Variants in SEL1L2 observed in about 807,000 individuals in gnomAD.
The protein encoded by SEL1L2 is protein sel-1 homolog 2.
SEL1L2 carries 89 observed loss-of-function variants against 98.8 expected under a neutral mutation model. The ratio of observed to expected loss-of-function variants is 0.90; its 90% CI spans 0.76 to 1.07. The LOEUF is 1.07. Ranked by LOEUF, SEL1L2 falls within the 50% of genes least tolerant of loss-of-function variation. SEL1L2 has a pLI of 0.00. For synonymous variants in SEL1L2, 262 were observed against 278.5 expected (o/e 0.94, Z 0.59); for missense variants, 788 against 812.0 (o/e 0.97, Z 0.36).
intron 17 of SEL1L2, among the ~76,000 whole-genome samples, chr20:13,864,534 T>C (rs1197698703): frequency 6.6e-6 from 1 of 152,172 alleles, no homozygotes; most frequent in Non-Finnish European, 1.5e-5. Flanking sequence ...GCAATGAAAA[T>C]ACCACCTGCC....
At chr20:13,955,152 AC>A (rs1485240996) in intron 2 of SEL1L2, among the ~76,000 whole-genome samples, 2 of 151,986 alleles carry the variant, frequency 1.3e-5, no homozygotes, top group South Asian at 2.1e-4. Context: ...CACAAACAAA[AC>A]CCTTGCTCTC....
At chr20:13,933,066 C>A (rs756129638) in intron 2 of SEL1L2, among the ~76,000 whole-genome samples, 1 of 151,918 alleles carries the variant, frequency 6.6e-6, no homozygotes, top group Non-Finnish European at 1.5e-5. Context: ...AAAAATTCGC[C>A]AGGCCTGGTG....
chr20:13,895,478 A>G (rs1337120645), intron 5 of SEL1L2, among the ~76,000 whole-genome samples: 9 of 151,544 alleles, frequency 5.9e-5, no homozygotes, highest in Middle Eastern at 3.5e-3. Flanking sequence ...GCCAGTTACC[A>G]TAATACAACA....
At chr20:13,867,612 C>T (rs929687087) in intron 14 of SEL1L2, among the ~76,000 whole-genome samples, 1 of 152,170 alleles carries the variant, frequency 6.6e-6, no homozygotes, top group Non-Finnish European at 1.5e-5. Flanking sequence ...TGTCCAACCA[C>T]AACATTGGCT....
At chr20:13,853,769 G>A (rs1029944783) in intron 18 of SEL1L2, among the ~76,000 whole-genome samples, 2 of 152,118 alleles carry the variant, frequency 1.3e-5, no homozygotes, top group African/African-American at 4.8e-5. Context: ...TCTGCTTCTA[G>A]TATTCTCACT....
At chr20:13,903,117 C>A (rs371894113) in intron 5 of SEL1L2, among the ~76,000 whole-genome samples, 606 of 122,950 alleles carry the variant, frequency 4.9e-3, no homozygotes, top group Non-Finnish European at 4.9e-3. Flanking sequence ...GGCTCTTTCT[C>A]AAAAAAAAAA....
chr20:13,861,484 T>A (rs1057408504), intron 17 of SEL1L2, among the ~76,000 whole-genome samples: 1 of 151,836 alleles, frequency 6.6e-6, no homozygotes, highest in African/African-American at 2.4e-5. Context: ...ATGTTATATA[T>A]AGTATATATG....
Position 13,919,055 on chromosome 20 carries a change from G to A in SEL1L2, c.352C>T (p.Leu118Phe), listed in dbSNP as rs1293792436. 9.3e-6 allele frequency: 15 copies of A among 1,613,670 alleles called. No homozygotes were observed. The highest frequency in any genetic ancestry group is 1.3e-5 in the Non-Finnish European group (15 of 1,179,788). The change falls in exon 4 of 20, where the codon CTC (leucine) becomes TTC (phenylalanine). Residue 118 changes from leucine to phenylalanine, a missense_variant. Physicochemically the swap from Leu to Phe is conservative, Grantham distance 22. Coordinates refer to ENST00000284951, the MANE Select transcript of SEL1L2 (RefSeq NM_025229.2). ...DQLFKMGIKVLQQSKSQKQKE... is the reference protein window; with the variant it reads ...DQLFKMGIKVFQQSKSQKQKE... ...TGTTTTTGGCTTTTAGACTGCTGGAGAACCTTGATGCCCATCTTAAATAGC... is the reference window on the plus strand; with the variant it reads ...TGTTTTTGGCTTTTAGACTGCTGGAAAACCTTGATGCCCATCTTAAATAGC...
intron 5 of SEL1L2, among the ~76,000 whole-genome samples, chr20:13,899,288 G>T (rs745494402): frequency 5.5e-4 from 84 of 151,960 alleles, no homozygotes; most frequent in Non-Finnish European, 1.0e-3. Flanking sequence ...TAATATGGAT[G>T]TCTGTTGTGG....
intron 3 of SEL1L2, among the ~76,000 whole-genome samples, chr20:13,926,283 C>G (rs1394621682): frequency 6.6e-6 from 1 of 152,078 alleles, no homozygotes; most frequent in African/African-American, 2.4e-5. Context: ...CCACTGCACT[C>G]CAGCCTGGGC....
intron 2 of SEL1L2, among the ~76,000 whole-genome samples, chr20:13,940,606 C>T (rs765833927): frequency 2.0e-5 from 3 of 152,170 alleles, no homozygotes; most frequent in Non-Finnish European, 4.4e-5. Flanking sequence ...ACTATTCTGG[C>T]TGACATGTGA....
At chr20:13,942,040 G>A (rs2049805732) in intron 2 of SEL1L2, among the ~76,000 whole-genome samples, 1 of 152,076 alleles carries the variant, frequency 6.6e-6, no homozygotes, top group Non-Finnish European at 1.5e-5. Context: ...AAAGCTCTTG[G>A]GAAAAAGAGG....
At chr20:13,909,159 T>G (rs1184473018) in intron 5 of SEL1L2, among the ~76,000 whole-genome samples, 2 of 152,158 alleles carry the variant, frequency 1.3e-5, no homozygotes, top group African/African-American at 4.8e-5. Context: ...TACCCACATT[T>G]CTGTTGCTAT....
At chr20:13,983,869 C>T (rs1034169148) in intron 1 of SEL1L2, among the ~76,000 whole-genome samples, 2 of 151,854 alleles carry the variant, frequency 1.3e-5, no homozygotes, top group Non-Finnish European at 2.9e-5. Flanking sequence ...TAACTCCTTC[C>T]CTGGTTCTCT....
chr20:13,929,737 T>C (rs1356137318), intron 3 of SEL1L2, among the ~76,000 whole-genome samples: 2 of 151,650 alleles, frequency 1.3e-5, no homozygotes, highest in African/African-American at 4.8e-5. Flanking sequence ...CCTGACCTCG[T>C]GATCCTCCCG....
At chr20:13,979,493 G>GTA (rs2051705832) in intron 1 of SEL1L2, among the ~76,000 whole-genome samples, 1 of 152,168 alleles carries the variant, frequency 6.6e-6, no homozygotes, top group South Asian at 2.1e-4. Context: ...ATGTACTGAA[G>GTA]TATCACTCTG....
chr20:13,924,921 C>T (rs6074665), intron 3 of SEL1L2, among the ~76,000 whole-genome samples: 1 of 152,022 alleles, frequency 6.6e-6, no homozygotes, highest in African/African-American at 2.4e-5. Context: ...GGCAGATCAC[C>T]TGAGATCAGG....
chr20:13,927,869 A>G (rs1568985585), intron 3 of SEL1L2: 1 of 152,192 alleles, frequency 6.6e-6, no homozygotes, highest in Admixed American at 6.5e-5. Flanking sequence ...GGCTTCCTCT[A>G]CTTTCTTAAC....
intron 3 of SEL1L2, among the ~76,000 whole-genome samples, chr20:13,922,237 A>T (rs2048697168): frequency 6.6e-6 from 1 of 151,934 alleles, no homozygotes; most frequent in South Asian, 2.1e-4. Flanking sequence ...TTTTAATGCA[A>T]TTTTTTTTAC....
Sources: gnomAD v4.1 joint callset for allele counts (sites outside exome capture counted in the v4.1 genomes callset) on GRCh38, gnomAD v4.1.1 for gene constraint, MANE v1.5 for transcripts, NCBI Gene and HGNC (gene_info 2026-07-23, HGNC 2026-07-21) for gene names.